Variants in FAM98B observed in about 807,000 individuals in gnomAD.
FAM98B encodes tRNA splicing ligase complex subunit 3B.
FAM98B carries 32 observed loss-of-function variants against 43.9 expected under a neutral mutation model. The observed-to-expected ratio is 0.73, with a 90% CI of 0.55 to 0.98. The LOEUF (loss-of-function observed/expected upper bound fraction) is 0.98, where lower values mean the gene tolerates loss of function less well. Among genes scored for constraint, FAM98B ranks in the 50% least tolerant of loss-of-function variants. The pLI, the probability that FAM98B is intolerant of heterozygous loss-of-function variation, is 0.00. For synonymous variants in FAM98B, 190 were observed against 174.0 expected, an observed-to-expected ratio of 1.09 and a Z score of -0.72; for missense variants, 514 against 522.9, an observed-to-expected ratio of 0.98 and a Z score of 0.17.
intron 1 of FAM98B, among the ~76,000 whole-genome samples, chr15:38,454,470 C>G (rs956603620): frequency 3.9e-5 from 6 of 152,226 alleles, no homozygotes; most frequent in South Asian, 2.1e-4. Flanking sequence ...CTTCTTGCCT[C>G]GAAACTCTGT....
intron 6 of FAM98B, among the ~76,000 whole-genome samples, chr15:38,476,804 A>C (rs891337642): frequency 1.3e-5 from 2 of 149,748 alleles, no homozygotes; most frequent in African/African-American, 4.9e-5. Flanking sequence ...CCTCAGCTGC[A>C]TGGTAGTTTT....
At chr15:38,465,228 TA>T in intron 2 of FAM98B, 40 bp from the exon 3 acceptor site, 1 of 1,574,784 alleles carries the variant, frequency 6.4e-7, no homozygotes, top group Non-Finnish European at 8.6e-7. Context: ...GATTATATGG[TA>T]AATGCTCAGT....
At chr15:38,482,687 A>G (rs1162475801) in intron 7 of FAM98B, 1 of 152,210 alleles carries the variant, frequency 6.6e-6, no homozygotes, top group South Asian at 2.1e-4. Context: ...TGTATAATTA[A>G]TTGGTCATTT....
At chr15:38,461,001 A>T (rs1889937981) in intron 1 of FAM98B, among the ~76,000 whole-genome samples, 1 of 152,204 alleles carries the variant, frequency 6.6e-6, no homozygotes, top group Admixed American at 6.5e-5. Context: ...CAGGTATGTT[A>T]AATGCATTTA....
chr15:38,463,929 A>G (rs1458143174), intron 1 of FAM98B, 103 bp from the exon 2 acceptor site: 1 of 1,130,354 alleles, frequency 8.8e-7, no homozygotes, highest in Non-Finnish European at 1.2e-6. Flanking sequence ...TTCCAATAAC[A>G]TTTTATTTAC....
intron 6 of FAM98B, among the ~76,000 whole-genome samples, chr15:38,480,474 A>C (rs1361276910): frequency 6.6e-6 from 1 of 152,162 alleles, no homozygotes; most frequent in Non-Finnish European, 1.5e-5. Context: ...ACTGTTATCT[A>C]TACTAGACCT....
intron 7 of FAM98B, among the ~76,000 whole-genome samples, chr15:38,484,015 A>C (rs62002953): frequency 1.3e-5 from 2 of 151,984 alleles, no homozygotes; most frequent in Admixed American, 1.3e-4. Flanking sequence ...TACAGTCATC[A>C]TACAATGGTA....
At chr15:38,454,378 G>A (rs1889814697) in intron 1 of FAM98B, 146 bp downstream of exon 1, 1 of 815,256 alleles carries the variant, frequency 1.2e-6, no homozygotes, top group Non-Finnish European at 2.0e-6. Flanking sequence ...CGCCGACGGA[G>A]TTAAGCGGGA....
chr15:38,470,535 CCCAG>C, intron 4 of FAM98B, 130 bp downstream of exon 4: 1 of 812,618 alleles, frequency 1.2e-6, no homozygotes. Flanking sequence ...TTCATATAAA[CCCAG>C]TTTTGGATTC....
At chr15:38,459,346 G>T in intron 1 of FAM98B, 1 of 472,568 alleles carries the variant, frequency 2.1e-6, no homozygotes, top group East Asian at 6.0e-5. Context: ...TAGCAGTGGT[G>T]TTGGCTTCCT....
At chr15:38,477,326 C>T (rs1011973942) in intron 6 of FAM98B, among the ~76,000 whole-genome samples, 2 of 151,340 alleles carry the variant, frequency 1.3e-5, no homozygotes, top group Non-Finnish European at 3.0e-5. Flanking sequence ...CTGTGTTTTT[C>T]TTTGTCCAGG....
rs1388094055 is a variant in FAM98B, at chr15:38,484,694, T to A, written c.*35T>A. 2 of 1,496,786 alleles carry A rather than the reference T, an allele frequency of 1.3e-6. No individual in the cohort carries two copies. Among genetic ancestry groups the A allele is most frequent in the African/African-American group, 2.9e-5 (2 of 69,110 alleles). The allele number at this position is 1,496,786 out of a possible 1,614,324, so 92.7% of individuals were successfully genotyped here. A position where few individuals can be genotyped will look rare whatever the true frequency, so the allele number is the denominator to read the frequency against. ...AAATTAGATAGCAGTGCTTGCTTCT[T>A]TATAGATACATTAGAAATAGTGTTC... On this transcript the variant is annotated 3_prime_UTR_variant, in exon 8 of 8. Transcript: ENST00000397609.
chr15:38,468,613 A>G (rs1253353571), intron 3 of FAM98B, among the ~76,000 whole-genome samples: 2 of 152,194 alleles, frequency 1.3e-5, no homozygotes, highest in African/African-American at 2.4e-5. Context: ...TGATCTTAAT[A>G]TTTTGGTACT....
intron 6 of FAM98B, among the ~76,000 whole-genome samples, chr15:38,475,611 A>G (rs1017178882): frequency 2.0e-5 from 3 of 152,024 alleles, no homozygotes; most frequent in Non-Finnish European, 4.4e-5. Context: ...CCATTGTCAC[A>G]TCGCCTTCTG....
intron 6 of FAM98B, among the ~76,000 whole-genome samples, chr15:38,475,063 T>G (rs1233971677): frequency 6.7e-6 from 1 of 149,254 alleles, no homozygotes; most frequent in Non-Finnish European, 1.5e-5. Context: ...ATTTCAGGTA[T>G]TATTATTTTT....
chr15:38,465,703 A>G (rs1595798601), intron 3 of FAM98B, among the ~76,000 whole-genome samples: 1 of 152,224 alleles, frequency 6.6e-6, no homozygotes, highest in East Asian at 1.9e-4. Flanking sequence ...CTATATGGCT[A>G]ACATTGATGA....
chr15:38,474,448 C>T (rs1201573617), intron 6 of FAM98B, 150 bp downstream of exon 6: 2 of 560,918 alleles, frequency 3.6e-6, no homozygotes, highest in Non-Finnish European at 6.4e-6. Context: ...CAAGATGATC[C>T]TGGTCTTGTA....
chr15:38,460,808 A>G (rs1463428971), intron 1 of FAM98B, among the ~76,000 whole-genome samples: 1 of 152,148 alleles, frequency 6.6e-6, no homozygotes, highest in Non-Finnish European at 1.5e-5. Context: ...CGGATGAATT[A>G]TTTACCTTTA....
chr15:38,462,541 A>G (rs1393621784), intron 1 of FAM98B, among the ~76,000 whole-genome samples: 1 of 152,208 alleles, frequency 6.6e-6, no homozygotes, highest in Non-Finnish European at 1.5e-5. Context: ...CGTCGTAAAT[A>G]TAAAAAAATT....
Sources: allele counts gnomAD v4.1 joint callset (sites outside exome capture counted in the v4.1 genomes callset), GRCh38; gene constraint gnomAD v4.1.1; transcripts MANE v1.5; gene names NCBI Gene and HGNC (gene_info 2026-07-23, HGNC 2026-07-21).